The following XKR4 variants were observed in gnomAD, a reference collection of about 807,000 sequenced individuals.
XKR4 encodes XK related 4.
In XKR4, 12 loss-of-function variants were observed where a neutral mutation model predicts 53.9. The observed-to-expected ratio is 0.22, with a 90% CI of 0.14 to 0.36. The LOEUF is 0.36. XKR4 is among the 10% of genes least tolerant of loss of function. XKR4 has a pLI of 1.00. For synonymous variants in XKR4, 354 were observed against 362.4 expected (o/e 0.98, Z 0.26); for missense variants, 799 against 859.5 (o/e 0.93, Z 0.88).
chr8:55,446,074 C>A (rs963274733), intron 2 of XKR4, among the ~76,000 whole-genome samples: 2 of 152,182 alleles, frequency 1.3e-5, no homozygotes, highest in East Asian at 3.8e-4. Flanking sequence ...AGCCTGTGTG[C>A]TGCTGCACTT....
At chr8:55,248,744 T>G (rs1245114025) in intron 1 of XKR4, among the ~76,000 whole-genome samples, 4 of 152,232 alleles carry the variant, frequency 2.6e-5, no homozygotes, top group African/African-American at 9.7e-5. Flanking sequence ...TTCTTTCATG[T>G]AAGTTAAACT....
At chr8:55,345,891 T>A (rs1032825583) in intron 1 of XKR4, among the ~76,000 whole-genome samples, 22 of 152,182 alleles carry the variant, frequency 1.4e-4, no homozygotes, top group African/African-American at 4.8e-4. Context: ...CTGTGTCAAA[T>A]AGAAGGTTAT....
At chr8:55,259,393 G>A (rs533870228) in intron 1 of XKR4, among the ~76,000 whole-genome samples, 1 of 152,202 alleles carries the variant, frequency 6.6e-6, no homozygotes, top group Admixed American at 6.5e-5. Context: ...CTACTAGTGC[G>A]ATATGAGTTG....
At chr8:55,283,424 A>G (rs1818867026) in intron 1 of XKR4, among the ~76,000 whole-genome samples, 1 of 152,216 alleles carries the variant, frequency 6.6e-6, no homozygotes, top group African/African-American at 2.4e-5. Context: ...TTGTCTGTCA[A>G]CTTTGTACAT....
intron 2 of XKR4, among the ~76,000 whole-genome samples, chr8:55,461,010 G>A (rs1805648189): frequency 6.6e-6 from 1 of 152,226 alleles, no homozygotes; most frequent in African/African-American, 2.4e-5. Flanking sequence ...GCCCACCACA[G>A]CTCAAGGAGG....
chr8:55,388,021 T>C (rs1035866496), intron 2 of XKR4, among the ~76,000 whole-genome samples: 2 of 152,208 alleles, frequency 1.3e-5, no homozygotes, highest in Non-Finnish European at 2.9e-5. Context: ...TTAGGACAAT[T>C]ATCAGATTTT....
chr8:55,450,708 G>A, intron 2 of XKR4: 1 of 584,782 alleles, frequency 1.7e-6, no homozygotes, highest in Non-Finnish European at 3.3e-6. Context: ...CGTGGCTGAA[G>A]CGATGACTGA....
intron 1 of XKR4, among the ~76,000 whole-genome samples, chr8:55,235,235 C>A (rs1818102699): frequency 6.6e-6 from 1 of 152,134 alleles, no homozygotes; most frequent in African/African-American, 2.4e-5. Context: ...AATAATGATT[C>A]TGGCCATTGG....
intron 2 of XKR4, among the ~76,000 whole-genome samples, chr8:55,417,803 G>A (rs1051159682): frequency 5.9e-5 from 9 of 152,156 alleles, no homozygotes; most frequent in African/African-American, 2.2e-4. Flanking sequence ...GCACTCTGGG[G>A]ACCTAGTATG....
chr8:55,116,083 T>A (rs1816302313), intron 1 of XKR4, among the ~76,000 whole-genome samples: 1 of 151,796 alleles, frequency 6.6e-6, no homozygotes, highest in South Asian at 2.1e-4. Flanking sequence ...AGAAGTGGAG[T>A]GGGCTGGTTC....
chr8:55,517,332 A>C (rs1336403148), intron 2 of XKR4: 1 of 151,752 alleles, frequency 6.6e-6, no homozygotes, highest in East Asian at 1.9e-4. Context: ...GCACTAATTT[A>C]GGAAGTTAAT....
chr8:55,229,851 A>G lies in XKR4; in HGVS notation c.806+126557A>G, dbSNP rs902097539. On this transcript the variant is annotated intron_variant, in intron 1 of 2. Transcript: ENST00000327381. Reference sequence around the variant, plus strand: ...CCATATCCTCAAAGCCGGTATAACTATTGTTAAGTTAATTAGCTTTTTTTT... The same window carrying G: ...CCATATCCTCAAAGCCGGTATAACTGTTGTTAAGTTAATTAGCTTTTTTTT... Among the ~76,000 whole-genome samples the G allele has an allele frequency of 9.4e-5, 14 of 148,870 alleles. No individual in the cohort carries two copies. The East Asian group carries it at 2.8e-3, about 30-fold the overall frequency.
In XKR4 at chr8:55,260,492, G is replaced by C. The variant is rs116298044; in HGVS notation, c.807-97186G>C. 4.6e-3 allele frequency among the ~76,000 whole-genome samples: 697 copies of C among 152,292 alleles called. 6 individuals carry two copies. Among genetic ancestry groups the C allele is most frequent in the African/African-American group, 0.016 (650 of 41,542 alleles). On this transcript the variant is annotated intron_variant, in intron 1 of 2. Coordinates refer to ENST00000327381, the MANE Select transcript of XKR4 (RefSeq NM_052898.2). ...TCCGAGGTTCGTTGCCTCACGCCAA[G>C]GAAATCAAGGACATGGACACACATG...
In XKR4 at chr8:55,529,381, C is replaced by T. The variant is rs1259700179; in HGVS notation, c.*5154C>T. On this transcript the variant is annotated 3_prime_UTR_variant, in exon 3 of 3. Coordinates refer to ENST00000327381, the MANE Select transcript of XKR4 (RefSeq NM_052898.2). ...TATACTGACAGCCTAATGTCAGAAA[C>T]GAGCTGCCTAAATCAAGTTTTGCTT... 6.6e-6 allele frequency: 1 copy of T among 152,218 alleles called. No individual in the cohort carries two copies. The highest frequency in any genetic ancestry group is 2.4e-5 in the African/African-American group (1 of 41,520). The allele number at this position is 152,218 out of a possible 1,614,324, so 9.4% of individuals were successfully genotyped here. A position where few individuals can be genotyped will look rare whatever the true frequency, so the allele number is the denominator to read the frequency against.
chr8:55,488,285 T>C (rs1035306713), intron 2 of XKR4, among the ~76,000 whole-genome samples: 18 of 152,202 alleles, frequency 1.2e-4, no homozygotes, highest in Non-Finnish European at 2.2e-4. Flanking sequence ...GCAGCCACTT[T>C]GGAAAAACTA....
At chr8:55,118,237 T>A (rs920341596) in intron 1 of XKR4, among the ~76,000 whole-genome samples, 2 of 152,230 alleles carry the variant, frequency 1.3e-5, no homozygotes, top group Non-Finnish European at 2.9e-5. Flanking sequence ...TACATATTAT[T>A]TCCATTGGGA....
At chr8:55,257,713 T>C (rs1818458933) in intron 1 of XKR4, among the ~76,000 whole-genome samples, 1 of 152,234 alleles carries the variant, frequency 6.6e-6, no homozygotes, top group Non-Finnish European at 1.5e-5. Flanking sequence ...TATGTGACAC[T>C]TTATTAATAT....
intron 2 of XKR4, among the ~76,000 whole-genome samples, chr8:55,508,879 G>A (rs774715649): frequency 1.3e-4 from 20 of 152,204 alleles, no homozygotes; most frequent in South Asian, 4.1e-4. Flanking sequence ...GGGGATTCGT[G>A]TACTGACTTG....
At chr8:55,489,700 A>C (rs968430137) in intron 2 of XKR4, among the ~76,000 whole-genome samples, 1 of 152,122 alleles carries the variant, frequency 6.6e-6, no homozygotes, top group African/African-American at 2.4e-5. Flanking sequence ...AATTATTTAA[A>C]CATTTTCAAA....
Sources: gnomAD v4.1 joint callset for allele counts (sites outside exome capture counted in the v4.1 genomes callset) on GRCh38, gnomAD v4.1.1 for gene constraint, MANE v1.5 for transcripts, NCBI Gene and HGNC (gene_info 2026-07-23, HGNC 2026-07-21) for gene names.